ARHGDIA: variants seen among roughly 807,000 people sequenced by gnomAD.
The protein encoded by ARHGDIA is rho GDP-dissociation inhibitor 1.
In ARHGDIA, 9 loss-of-function variants were observed where a neutral mutation model predicts 25.0. That is an observed-to-expected ratio of 0.36 (90% CI 0.22 to 0.63). The LOEUF (loss-of-function observed/expected upper bound fraction) is 0.63. Ranked by LOEUF, ARHGDIA falls within the 20% of genes least tolerant of loss-of-function variation. The pLI is 0.69. For synonymous variants in ARHGDIA, 166 were observed against 111.5 expected, an observed-to-expected ratio of 1.49 and a Z score of -3.08; for missense variants, 239 against 264.3, an observed-to-expected ratio of 0.90 and a Z score of 0.66.
chr17:81,868,571 C>T lies in ARHGDIA; in HGVS notation c.*305G>A, dbSNP rs369742215. 80 of 1,535,048 alleles carry T rather than the reference C, an allele frequency of 5.2e-5. No individual in the cohort carries two copies. The highest frequency in any genetic ancestry group is 8.2e-5 in the African/African-American group (6 of 73,014). On this transcript the variant is annotated 3_prime_UTR_variant, in exon 6 of 6. Coordinates refer to ENST00000269321, the MANE Select transcript of ARHGDIA (RefSeq NM_004309.6). The stretch of plus-strand genomic sequence containing the variant: ...TCCTGAAGCCAGGCCTCGGGTGTGA[C>T]GGGGAGATAGAACCTGGGGGGCACA...
At chr17:81,869,477 CT>C (rs2039200850) in intron 3 of ARHGDIA, 64 bp downstream of exon 3, 1 of 1,610,406 alleles carries the variant, frequency 6.2e-7, no homozygotes, top group East Asian at 2.2e-5. Context: ...GCGCGGCCCC[CT>C]GGCTGCACTT....
In ARHGDIA at chr17:81,869,518, C is replaced by T. The variant is rs202224232; in HGVS notation, c.274+24G>A. Reference sequence around the variant, plus strand: ...AGATCCCCACCAGGGGCCGCCCGGACCCCCGCGGCCGCAGGGCACTCACCC... The same window carrying T: ...AGATCCCCACCAGGGGCCGCCCGGATCCCCGCGGCCGCAGGGCACTCACCC... On this transcript the variant is annotated intron_variant, in intron 3 of 5. Transcript: ENST00000269321. The T allele has an allele frequency of 3.5e-5, 56 of 1,603,342 alleles. No individual in the cohort carries two copies. In the East Asian group the frequency reaches 1.1e-3, roughly 32 times the overall value.
rs899471197 is a variant in ARHGDIA, at chr17:81,868,306, A to G, written c.*570T>C. ...ACCGGGGAAGGGACGGGGAGGCCACATGCTCATGCAGACACAGGGAGTTAG... is the reference window on the plus strand; with the variant it reads ...ACCGGGGAAGGGACGGGGAGGCCACGTGCTCATGCAGACACAGGGAGTTAG... On this transcript the variant is annotated 3_prime_UTR_variant, in exon 6 of 6. Coordinates refer to ENST00000269321, the MANE Select transcript of ARHGDIA (RefSeq NM_004309.6). 2.7e-5 allele frequency: 37 copies of G among 1,391,790 alleles called. No homozygotes were observed. The Middle Eastern group carries it at 6.0e-4, about 23-fold the overall frequency. The allele number at this position is 1,391,790 out of a possible 1,614,324, so 86.2% of individuals were successfully genotyped here.
chr17:81,869,137 A>C, intron 5 of ARHGDIA, 36 bp downstream of exon 5: 1 of 1,613,158 alleles, frequency 6.2e-7, no homozygotes, highest in Non-Finnish European at 8.5e-7. Flanking sequence ...CACGCACCCA[A>C]GCGGCCCCCT....
chr17:81,868,227 G>A lies in ARHGDIA; in HGVS notation c.*649C>T, dbSNP rs2143403994. The A allele has an allele frequency of 1.2e-6, 1 of 850,894 alleles. No homozygotes were observed. The highest frequency in any genetic ancestry group is 1.7e-6 in the Non-Finnish European group (1 of 584,438). 52.7% of individuals were successfully genotyped at this position (850,894 alleles called of 1,614,324 possible). A position where few individuals can be genotyped will look rare whatever the true frequency, so the allele number is the denominator to read the frequency against. On this transcript the variant is annotated 3_prime_UTR_variant, in exon 6 of 6. Coordinates refer to ENST00000269321, the MANE Select transcript of ARHGDIA (RefSeq NM_004309.6). ...GGGGCAGGCTGGCCAGGCACTGGTGGGCTGGGGAGCAGCAGCAGCACACCC... is the reference window on the plus strand; with the variant it reads ...GGGGCAGGCTGGCCAGGCACTGGTGAGCTGGGGAGCAGCAGCAGCACACCC...
At chr17:81,869,653 C>T in intron 2 of ARHGDIA, 28 bp from the exon 3 acceptor site, 4 of 1,524,622 alleles carry the variant, frequency 2.6e-6, no homozygotes, top group Non-Finnish European at 2.6e-6. Flanking sequence ...GTGAGGGCCC[C>T]ACCCCCACCA....
In ARHGDIA at chr17:81,868,401, A is replaced by G. The variant is rs2039119099; in HGVS notation, c.*475T>C. 6.9e-7 allele frequency: 1 copy of G among 1,446,088 alleles called. No homozygotes were observed. Among genetic ancestry groups the G allele is most frequent in the Non-Finnish European group, 9.1e-7 (1 of 1,103,728 alleles). 89.6% of individuals were successfully genotyped at this position (1,446,088 alleles called of 1,614,324 possible). A position where few individuals can be genotyped will look rare whatever the true frequency, so the allele number is the denominator to read the frequency against. On this transcript the variant is annotated 3_prime_UTR_variant, in exon 6 of 6. Coordinates refer to ENST00000269321, the MANE Select transcript of ARHGDIA (RefSeq NM_004309.6). ...TGGTTAGACGGGACCGACAGCGACA[A>G]GGGGGCTGGCCAGGGAGCAGCGGGG...
At position 81,868,981 on chromosome 17, in the gene ARHGDIA, C is replaced by G; in HGVS notation, c.510G>C (p.Leu170=). The G allele has an allele frequency of 6.2e-7, 1 of 1,613,794 alleles. No homozygotes were observed. Among genetic ancestry groups the G allele is most frequent in the Non-Finnish European group, 8.5e-7 (1 of 1,179,978 alleles). ...TPVEEAPKGM[L]ARGSYSIKSR... ...ACTTGATGCTGTAGCTGCCCCGGGCCAGCATACCCTTGGGTGCCTCCTCCA... is the reference window on the plus strand; with the variant it reads ...ACTTGATGCTGTAGCTGCCCCGGGCGAGCATACCCTTGGGTGCCTCCTCCA... Residue 170 remains leucine, a synonymous_variant, in exon 6 of 6, where the codon CTG becomes CTC. Coordinates refer to ENST00000269321, the MANE Select transcript of ARHGDIA (RefSeq NM_004309.6).
Position 81,868,953 on chromosome 17 carries a change from G to A in ARHGDIA, c.538C>T (p.Arg180Cys), listed in dbSNP as rs1230023993. 3.7e-6 allele frequency: 6 copies of A among 1,613,844 alleles called. No homozygotes were observed. Among genetic ancestry groups the A allele is most frequent in the South Asian group, 2.2e-5 (2 of 91,080 alleles). Residue 180 changes from arginine (R) to cysteine (C), a missense_variant, in exon 6 of 6, where the codon CGC becomes TGC. This residue lies in a region of ARHGDIA where 75 missense variants were observed against 122.4 expected (regional missense o/e 0.61). Coordinates refer to ENST00000269321, the MANE Select transcript of ARHGDIA (RefSeq NM_004309.6). ...LARGSYSIKS[R>C]FTDDDKTDHL... The stretch of plus-strand genomic sequence containing the variant: ...TCGGTCTTGTCGTCGTCTGTGAAGC[G>A]GGACTTGATGCTGTAGCTGCCCCGG...
At chr17:81,870,747 G>A (rs1013530140) in intron 1 of ARHGDIA, 1 of 152,208 alleles carries the variant, frequency 6.6e-6, no homozygotes, top group African/African-American at 2.4e-5. Flanking sequence ...GCTTCCTCCA[G>A]GGGCTGGGGC....
intron 1 of ARHGDIA, chr17:81,870,272 C>T (rs968069124): frequency 9.4e-6 from 3 of 320,086 alleles, no homozygotes; most frequent in East Asian, 1.3e-4. Flanking sequence ...CAGAATCAAC[C>T]GGCGGGGCCC....
At chr17:81,870,767 G>A (rs1008307517) in intron 1 of ARHGDIA, 16 of 152,300 alleles carry the variant, frequency 1.1e-4, no homozygotes, top group African/African-American at 3.4e-4. Context: ...CCTCCGCGCC[G>A]CGCGAGGATA....
intron 1 of ARHGDIA, 127 bp from the exon 2 acceptor site, chr17:81,870,084 C>G: frequency 1.1e-6 from 1 of 875,368 alleles, no homozygotes; most frequent in Non-Finnish European, 1.7e-6. Context: ...TCCTCTCCAC[C>G]CCCGCGATTC....
chr17:81,869,133 C>T, intron 5 of ARHGDIA, 40 bp downstream of exon 5: 1 of 1,613,528 alleles, frequency 6.2e-7, no homozygotes, highest in Non-Finnish European at 8.5e-7. Context: ...GCAGCACGCA[C>T]CCAAGCGGCC....
chr17:81,870,305 CTTGCCGCTCTTGAGCT>C (rs980792296), intron 1 of ARHGDIA: 17 of 243,068 alleles, frequency 7.0e-5, no homozygotes, highest in Non-Finnish European at 2.4e-5. Flanking sequence ...CTCTTAGGGT[CTTGCCGCTCTTGAGCT>C]GCCCAGGCCC....
In ARHGDIA at chr17:81,868,251, CCCA is replaced by C; in HGVS notation, c.*622_*624del. 9.6e-7 allele frequency: 1 copy of C among 1,045,780 alleles called. No homozygotes were observed. Among genetic ancestry groups the C allele is most frequent in the Non-Finnish European group, 1.3e-6 (1 of 758,132 alleles). 64.8% of individuals were successfully genotyped at this position (1,045,780 alleles called of 1,614,324 possible). ...GGGCTGGGGAGCAGCAGCAGCACAC[CCCA>C]CGTGTCCCTGGGTCACTGGGTTCGC... On this transcript the variant is annotated 3_prime_UTR_variant, in exon 6 of 6. Coordinates refer to ENST00000269321, the MANE Select transcript of ARHGDIA (RefSeq NM_004309.6).
intron 2 of ARHGDIA, 32 bp from the exon 3 acceptor site, chr17:81,869,657 C>T: frequency 1.3e-6 from 2 of 1,529,030 alleles, no homozygotes; most frequent in Non-Finnish European, 1.8e-6. Flanking sequence ...GGGCCCCACC[C>T]CCACCAGTGG....
In ARHGDIA at chr17:81,868,954, G is replaced by A. The variant is rs146829607; in HGVS notation, c.537C>T (p.Ser179=). Residue 179 remains serine (S), a synonymous_variant, in exon 6 of 6, where the codon TCC becomes TCT. Coordinates refer to ENST00000269321, the MANE Select transcript of ARHGDIA (RefSeq NM_004309.6). The part of the protein sequence containing the change: ...MLARGSYSIK[S]RFTDDDKTDH... ...CGGTCTTGTCGTCGTCTGTGAAGCGGGACTTGATGCTGTAGCTGCCCCGGG... is the reference window on the plus strand; with the variant it reads ...CGGTCTTGTCGTCGTCTGTGAAGCGAGACTTGATGCTGTAGCTGCCCCGGG... 16 of 1,613,848 alleles carry A rather than the reference G, an allele frequency of 9.9e-6. No homozygotes were observed. Among genetic ancestry groups the A allele is most frequent in the Non-Finnish European group, 1.4e-5 (16 of 1,179,984 alleles).
chr17:81,869,032 G>A lies in ARHGDIA; in HGVS notation c.459C>T (p.Ala153=). 1.2e-6 allele frequency: 2 copies of A among 1,613,526 alleles called. No individual in the cohort carries two copies. The highest frequency in any genetic ancestry group is 1.3e-5 in the African/African-American group (1 of 74,988). The change falls in exon 6 of 6, where the codon GCC becomes GCT. Residue 153 remains alanine (A), a synonymous_variant. Transcript: ENST00000269321. Reference sequence around the variant, plus strand: ...CGGGGGTCAGGAACTCGTACTCCTCGGCCCGGGGCCCATAGCTGCCTACCA... The same window carrying A: ...CGGGGGTCAGGAACTCGTACTCCTCAGCCCGGGGCCCATAGCTGCCTACCA... ...DYMVGSYGPR[A]EEYEFLTPVE...
Sources: allele counts gnomAD v4.1 joint callset, GRCh38; gene constraint gnomAD v4.1.1; regional missense constraint gnomAD v4.1.1; transcripts MANE v1.5; gene names NCBI Gene and HGNC (gene_info 2026-07-23, HGNC 2026-07-21).